The following ZMYND8 variants were observed in gnomAD, a reference collection of about 807,000 sequenced individuals.
ZMYND8 encodes zinc finger MYND-type containing 8.
ZMYND8 carries 37 observed loss-of-function variants against 140.8 expected under a neutral mutation model. That is an observed-to-expected ratio of 0.26 (90% CI 0.20 to 0.35). The LOEUF (loss-of-function observed/expected upper bound fraction) is 0.35. ZMYND8 is among the 10% of genes least tolerant of loss of function. ZMYND8 has a pLI of 1.00. For missense variants in ZMYND8, 1,068 were observed against 1,570.0 expected, an observed-to-expected ratio of 0.68 and a Z score of 5.40; for synonymous variants, 592 against 597.1, an observed-to-expected ratio of 0.99 and a Z score of 0.12.
intron 10 of ZMYND8, among the ~76,000 whole-genome samples, chr20:47,278,751 A>T (rs181007580): frequency 6.6e-6 from 1 of 152,198 alleles, no homozygotes; most frequent in Non-Finnish European, 1.5e-5. Context: ...GAAGAACCAT[A>T]TCTCCACCAA....
chr20:47,238,847 C>A lies in ZMYND8; in HGVS notation c.2576G>T (p.Arg859Leu). ...TTGCTGCTGCTGCTGCTGCTGCTGA[C>A]GCTGCATCTTCTGCATGTGCCACTT... ...SQKWHMQKMQ[R>L]QQQQQQQQNQ... The change falls in exon 15 of 23, where the codon CGT (arginine) becomes CTT (leucine). Residue 859 changes from arginine (R) to leucine (L), a missense_variant. Physicochemically the swap from Arg to Leu is moderately radical, Grantham distance 102. This residue lies in a region of ZMYND8 where 383 missense variants were observed against 431.2 expected (regional missense o/e 0.89). Coordinates refer to ENST00000471951, the MANE Select transcript of ZMYND8 (RefSeq NM_001281775.3). 1 of 1,612,964 alleles carries A rather than the reference C, an allele frequency of 6.2e-7. No homozygotes were observed. Among genetic ancestry groups the A allele is most frequent in the Non-Finnish European group, 8.5e-7 (1 of 1,179,776 alleles).
At chr20:47,354,365 T>C (rs2083045383) in intron 1 of ZMYND8, 1 of 152,196 alleles carries the variant, frequency 6.6e-6, no homozygotes, top group African/African-American at 2.4e-5. Flanking sequence ...AGTCTTATGA[T>C]TAGATATTGC....
intron 11 of ZMYND8, among the ~76,000 whole-genome samples, chr20:47,267,050 G>A (rs549465847): frequency 6.6e-6 from 1 of 152,202 alleles, no homozygotes; most frequent in East Asian, 1.9e-4. Context: ...ACAATAGAAC[G>A]TTACCGAGCC....
In ZMYND8 at chr20:47,246,003, C is replaced by T. The variant is rs1264939972; in HGVS notation, c.2284+5G>A. 1.3e-6 allele frequency: 2 copies of T among 1,582,956 alleles called. No homozygotes were observed. Among genetic ancestry groups the T allele is most frequent in the African/African-American group, 2.7e-5 (2 of 73,502 alleles). On this transcript the variant is annotated splice_donor_5th_base_variant and intron_variant, in intron 14 of 22. Coordinates refer to ENST00000471951, the MANE Select transcript of ZMYND8 (RefSeq NM_001281775.3). ...AGAAAACTGGAAACAGATACAATCA[C>T]TTACCATCCTGTTTGGGAGATGGTT...
At chr20:47,228,444 G>C (rs2038010958) in intron 17 of ZMYND8, among the ~76,000 whole-genome samples, 1 of 152,076 alleles carries the variant, frequency 6.6e-6, no homozygotes, top group African/African-American at 2.4e-5. Context: ...AAAAATTCTG[G>C]CATACATCCA....
At chr20:47,280,888 C>T (rs745306164) in intron 10 of ZMYND8, among the ~76,000 whole-genome samples, 1 of 152,178 alleles carries the variant, frequency 6.6e-6, no homozygotes, top group Non-Finnish European at 1.5e-5. Flanking sequence ...TCAGCCTCAG[C>T]CCTTCCCCTC....
At chr20:47,267,386 A>G (rs1385395423) in intron 11 of ZMYND8, among the ~76,000 whole-genome samples, 1 of 150,944 alleles carries the variant, frequency 6.6e-6, no homozygotes, top group Non-Finnish European at 1.5e-5. Context: ...AATGCCACTG[A>G]TCTGTTCAAA....
intron 14 of ZMYND8, among the ~76,000 whole-genome samples, chr20:47,245,053 G>A (rs1445459970): frequency 1.3e-5 from 2 of 151,920 alleles, no homozygotes; most frequent in East Asian, 3.9e-4. Context: ...GCCAAATTCT[G>A]TCCGCCCCCC....
In ZMYND8 at chr20:47,284,569, G is replaced by A. The variant is rs1268580447; in HGVS notation, c.805-921C>T. Among the ~76,000 whole-genome samples, 6 of 152,134 alleles carry A rather than the reference G, an allele frequency of 3.9e-5. No homozygotes were observed. In the South Asian group the frequency reaches 6.2e-4, roughly 16 times the overall value. The stretch of plus-strand genomic sequence containing the variant: ...GATCTGGCCCCAGCCCACCTGTCTC[G>A]GCTCACCTTGCAGCAGTTCCGCTCC... On this transcript the variant is annotated intron_variant, in intron 8 of 22. Transcript: ENST00000471951.
chr20:47,281,171 A>G (rs2076582900), intron 10 of ZMYND8, among the ~76,000 whole-genome samples: 1 of 152,246 alleles, frequency 6.6e-6, no homozygotes, highest in African/African-American at 2.4e-5. Flanking sequence ...ATCCAGCACC[A>G]TCTCAATAAT....
At position 47,298,644 on chromosome 20, in the gene ZMYND8, A is replaced by G; in HGVS notation, c.453+85T>C. ...AAATTTCTCTTTTCCATCTATCTGG[A>G]TTATTTGTAAATTTAAAAATAAAAG... On this transcript the variant is annotated intron_variant, in intron 4 of 22. Transcript: ENST00000471951. This position sits in a 1 kb window ranked among gnomAD's most constrained non-coding sequence, Gnocchi z 5.0. The G allele has an allele frequency of 6.5e-7, 1 of 1,537,670 alleles. No homozygotes were observed.
chr20:47,293,151 G>A (rs1396017974), intron 5 of ZMYND8, among the ~76,000 whole-genome samples: 1 of 41,578 alleles, frequency 2.4e-5, no homozygotes, highest in Non-Finnish European at 4.4e-5. Flanking sequence ...AGGAAGGAAG[G>A]GAGGGAGGGA....
Position 47,291,880 on chromosome 20 carries a change from T to C in ZMYND8, c.576A>G (p.Ala192=), listed in dbSNP as rs774486106. The C allele has an allele frequency of 4.3e-6, 7 of 1,612,106 alleles. No individual in the cohort carries two copies. The South Asian group carries it at 6.6e-5, about 15-fold the overall frequency. ...IQKMKQPGTD[A]FQKPVPLEQH... ...GTTCCAATGGAACGGGCTTCTGGAA[T>C]GCATCTGTCTATAAAAGAGAAGATA... The change falls in exon 6 of 23, where the codon GCA becomes GCG. Residue 192 remains alanine (A), a synonymous_variant. Transcript: ENST00000471951.
intron 14 of ZMYND8, among the ~76,000 whole-genome samples, chr20:47,244,607 C>T (rs544296039): frequency 6.6e-6 from 1 of 152,300 alleles, no homozygotes; most frequent in East Asian, 1.9e-4. Context: ...ACATTTGTGA[C>T]TGCCACAACT....
intron 12 of ZMYND8, among the ~76,000 whole-genome samples, chr20:47,259,166 T>C (rs997113145): frequency 6.6e-6 from 1 of 152,126 alleles, no homozygotes; most frequent in Non-Finnish European, 1.5e-5. Flanking sequence ...AGAGAGGAAA[T>C]GTCACCGTGA....
Position 47,276,330 on chromosome 20 carries a change from G to A in ZMYND8, c.1464C>T (p.Phe488=), listed in dbSNP as rs778893637. The A allele has an allele frequency of 4.5e-6, 7 of 1,568,646 alleles. No homozygotes were observed. In the African/African-American group the frequency reaches 9.5e-5, roughly 21 times the overall value. The change falls in exon 11 of 23, where the codon TTC becomes TTT. Residue 488 remains phenylalanine, a synonymous_variant. Transcript: ENST00000471951. ...GGAGCTGACCTGTGCTCTTATCCAGGAAGTCCATGGACTCCTCGCTCGCAC... is the reference window on the plus strand; with the variant it reads ...GGAGCTGACCTGTGCTCTTATCCAGAAAGTCCATGGACTCCTCGCTCGCAC... ...HFSASEESMD[F]LDKSTASPAS...
chr20:47,225,590 A>AG, intron 18 of ZMYND8, among the ~76,000 whole-genome samples: 1 of 240 alleles, frequency 4.2e-3, no homozygotes, highest in Non-Finnish European at 0.011. Flanking sequence ...AGGGGAAGGA[A>AG]GGGGAAGGAG....
chr20:47,215,893 G>C lies in ZMYND8; in HGVS notation c.3485-3168C>G, dbSNP rs542868624. 4.4e-4 allele frequency among the ~76,000 whole-genome samples: 67 copies of C among 152,320 alleles called. 1 individual carries two copies. Among genetic ancestry groups the C allele is most frequent in the Middle Eastern group, 3.4e-3 (1 of 294 alleles). On this transcript the variant is annotated intron_variant, in intron 21 of 22. Coordinates refer to ENST00000471951, the MANE Select transcript of ZMYND8 (RefSeq NM_001281775.3). ...AAGAACATGGCCATTGTCACAGAAC[G>C]TTCTATTGGAGATGCAAGGTGTCAA... is the stretch of plus-strand genomic sequence containing the variant.
chr20:47,341,838 C>G (rs1353840155), intron 2 of ZMYND8, among the ~76,000 whole-genome samples: 2 of 151,908 alleles, frequency 1.3e-5, no homozygotes, highest in Non-Finnish European at 2.9e-5. Flanking sequence ...CCTGTCTCTA[C>G]TAAAAATACA....
Sources: allele counts gnomAD v4.1 joint callset (sites outside exome capture counted in the v4.1 genomes callset), GRCh38; gene constraint gnomAD v4.1.1; regional missense constraint gnomAD v4.1.1; non-coding constraint Gnocchi (gnomAD v3.1); transcripts MANE v1.5; gene names NCBI Gene and HGNC (gene_info 2026-07-23, HGNC 2026-07-21).